NME5: variants seen among roughly 807,000 people sequenced by gnomAD.
NME5 encodes nucleoside diphosphate kinase 5.
NME5 carries 18 observed loss-of-function variants against 21.6 expected under a neutral mutation model. The ratio of observed to expected loss-of-function variants is 0.83; its 90% CI spans 0.58 to 1.24. The LOEUF is 1.24. Ranked by LOEUF, NME5 falls within the 50% of genes most tolerant of loss-of-function variation. The pLI, the probability that NME5 is intolerant of heterozygous loss-of-function variation, is 0.00. For missense variants in NME5, 223 were observed against 255.4 expected (o/e 0.87, Z 0.86); for synonymous variants, 70 against 80.6 (o/e 0.87, Z 0.71).
At chr5:138,131,204 T>TAAAAAAAAAAAAA (rs762579967) in intron 2 of NME5, among the ~76,000 whole-genome samples, 2 of 80,878 alleles carry the variant, frequency 2.5e-5, no homozygotes, top group African/African-American at 1.2e-4. Flanking sequence ...CCGTCTCTGC[T>TAAAAAAAAAAAAA]AAAAAAAAAA....
intron 2 of NME5, among the ~76,000 whole-genome samples, chr5:138,135,357 CAG>C (rs2151170796): frequency 6.7e-6 from 1 of 149,734 alleles, no homozygotes; most frequent in South Asian, 2.2e-4. Flanking sequence ...TTTTTCAAGA[CAG>C]AGTCTCCCTC....
At chr5:138,118,508 TG>T (rs1228685865) in intron 5 of NME5, among the ~76,000 whole-genome samples, 1 of 151,774 alleles carries the variant, frequency 6.6e-6, no homozygotes, top group Non-Finnish European at 1.5e-5. Flanking sequence ...TTTTTTGAGA[TG>T]GAGTCTTGCT....
At chr5:138,120,511 T>G (rs1161230464) in intron 4 of NME5, among the ~76,000 whole-genome samples, 1 of 152,156 alleles carries the variant, frequency 6.6e-6, no homozygotes, top group Non-Finnish European at 1.5e-5. Flanking sequence ...GTGCTGGGAT[T>G]ACAGGCATGA....
chr5:138,117,561 C>A (rs912823568), intron 5 of NME5, among the ~76,000 whole-genome samples: 3 of 152,084 alleles, frequency 2.0e-5, no homozygotes, highest in African/African-American at 7.2e-5. Flanking sequence ...ATAGACATTT[C>A]TTCAAAGAAG....
At chr5:138,134,729 C>CTT (rs112868350) in intron 2 of NME5, among the ~76,000 whole-genome samples, 158 of 141,584 alleles carry the variant, frequency 1.1e-3, no homozygotes, top group Admixed American at 2.7e-3. Context: ...AAGTTTGTCA[C>CTT]TTTTTTTTTT....
intron 4 of NME5, among the ~76,000 whole-genome samples, chr5:138,128,223 T>C (rs1581382013): frequency 6.6e-6 from 1 of 152,120 alleles, no homozygotes; most frequent in Non-Finnish European, 1.5e-5. Context: ...TAAATTTTTT[T>C]AATGTTAAAA....
chr5:138,134,803 G>T (rs1751655543), intron 2 of NME5, among the ~76,000 whole-genome samples: 2 of 148,308 alleles, frequency 1.3e-5, no homozygotes, highest in East Asian at 4.2e-4. Flanking sequence ...TCAGCTCACT[G>T]GAAGCTCCAC....
chr5:138,136,996 A>G (rs1029208283), intron 2 of NME5, among the ~76,000 whole-genome samples: 1 of 143,700 alleles, frequency 7.0e-6, no homozygotes, highest in African/African-American at 2.6e-5. Flanking sequence ...ACCTTAAGTC[A>G]TAACAAAAAA....
chr5:138,137,532 G>A (rs1751726194), intron 2 of NME5, among the ~76,000 whole-genome samples: 1 of 151,290 alleles, frequency 6.6e-6, no homozygotes, highest in African/African-American at 2.4e-5. Flanking sequence ...TGGCCAGGCT[G>A]GTCTCAAACT....
At position 138,129,349 on chromosome 5, in the gene NME5, T is replaced by C. The variant is rs1751506020; in HGVS notation, c.249A>G (p.Ile83Met). ...AAGAGATGGCTTTATGTCTAGCTAA[T>C]ATCATGGCGACAAGTGGTCCAGAAC... ...YMSSGPLVAM[I>M]LARHKAISYW... The change falls in exon 3 of 6, where the codon ATA (isoleucine) becomes ATG (methionine). Residue 83 changes from isoleucine to methionine, a missense_variant. Physicochemically the swap from Ile to Met is conservative, Grantham distance 10. Coordinates refer to ENST00000265191, the MANE Select transcript of NME5 (RefSeq NM_003551.3). The C allele has an allele frequency of 6.2e-7, 1 of 1,614,058 alleles. No individual in the cohort carries two copies. The highest frequency in any genetic ancestry group is 8.5e-7 in the Non-Finnish European group (1 of 1,179,926).
rs407345 is a variant in NME5, at chr5:138,116,463, T to C, written c.556-699A>G. On this transcript the variant is annotated intron_variant, in intron 5 of 5. Transcript: ENST00000265191. ...AAAAAGAACAAAGTTGGAGGACTGA[T>C]TTGTACTCTCAATTTCAAAACCTTC... is the stretch of plus-strand genomic sequence containing the variant. 0.98 allele frequency: 149,514 copies of C among 152,306 alleles called. 73,451 individuals are homozygous for C. Among genetic ancestry groups the C allele is most frequent in the Middle Eastern group, 1 (294 of 294 alleles). The allele number at this position is 152,306 out of a possible 1,614,324, so 9.4% of individuals were successfully genotyped here. A position where few individuals can be genotyped will look rare whatever the true frequency, so the allele number is the denominator to read the frequency against.
intron 4 of NME5, among the ~76,000 whole-genome samples, chr5:138,126,270 G>A (rs1329682004): frequency 6.6e-6 from 1 of 152,088 alleles, no homozygotes; most frequent in South Asian, 2.1e-4. Context: ...CCAACACTTT[G>A]GAAGGCAGGT....
intron 4 of NME5, among the ~76,000 whole-genome samples, chr5:138,122,663 A>C (rs1298833478): frequency 8.6e-6 from 1 of 116,028 alleles, no homozygotes; most frequent in African/African-American, 3.2e-5. Flanking sequence ...ACTAATCATT[A>C]AACAAAAATT....
intron 4 of NME5, among the ~76,000 whole-genome samples, chr5:138,125,424 A>T (rs961675419): frequency 6.6e-6 from 1 of 152,130 alleles, no homozygotes; most frequent in African/African-American, 2.4e-5. Flanking sequence ...CAAAAAAATT[A>T]AAAAATTAGC....
intron 2 of NME5, 126 bp from the exon 3 acceptor site, chr5:138,129,594 G>A (rs567347937): frequency 4.3e-4 from 287 of 663,176 alleles, no homozygotes; most frequent in Non-Finnish European, 6.7e-4. Flanking sequence ...TTTGTATTAT[G>A]AAGAAAGAAA....
Position 138,138,635 on chromosome 5 carries a change from T to A in NME5, c.129+17A>T. 6.2e-7 allele frequency: 1 copy of A among 1,600,222 alleles called. No homozygotes were observed. The highest frequency in any genetic ancestry group is 8.5e-7 in the Non-Finnish European group (1 of 1,176,008). On this transcript the variant is annotated intron_variant, in intron 2 of 5. Transcript: ENST00000265191. ...GCAGAGAGGAAAAAAGCATGAATCA[T>A]CATACCCAGAAGTTACCTGAACAAT... is the stretch of plus-strand genomic sequence containing the variant.
chr5:138,126,880 G>C (rs147809098), intron 4 of NME5, among the ~76,000 whole-genome samples: 45 of 152,062 alleles, frequency 3.0e-4, no homozygotes, highest in African/African-American at 9.9e-4. Context: ...CCAGAAGGTC[G>C]AGGCTGCCAT....
At chr5:138,133,611 T>C (rs1224061497) in intron 2 of NME5, among the ~76,000 whole-genome samples, 11 of 152,176 alleles carry the variant, frequency 7.2e-5, no homozygotes, top group African/African-American at 2.4e-5. Context: ...AACTCTTAGT[T>C]TGTAACAAAG....
intron 4 of NME5, among the ~76,000 whole-genome samples, chr5:138,120,210 G>A (rs1353601472): frequency 6.8e-6 from 1 of 146,586 alleles, no homozygotes; most frequent in East Asian, 2.0e-4. Flanking sequence ...ATTTACAGGT[G>A]CAAACCACTG....
Sources: gnomAD v4.1 joint callset for allele counts (sites outside exome capture counted in the v4.1 genomes callset) on GRCh38, gnomAD v4.1.1 for gene constraint, MANE v1.5 for transcripts, NCBI Gene and HGNC (gene_info 2026-07-23, HGNC 2026-07-21) for gene names.